The following MCF2L2 variants were observed in gnomAD, a reference collection of about 807,000 sequenced individuals.
The protein encoded by MCF2L2 is probable guanine nucleotide exchange factor MCF2L2.
A neutral mutation model predicts 150.2 loss-of-function variants in MCF2L2; 102 were observed. The observed-to-expected ratio is 0.68, with a 90% CI of 0.58 to 0.80. The LOEUF is 0.80. MCF2L2 is among the 30% of genes least tolerant of loss of function. The probability of loss-of-function intolerance (pLI) is 0.00; values close to 1 mark genes in which losing one functional copy is unlikely to be tolerated. For synonymous variants in MCF2L2, 465 were observed against 491.3 expected, an observed-to-expected ratio of 0.95 and a Z score of 0.71; for missense variants, 1,256 against 1,372.8, an observed-to-expected ratio of 0.91 and a Z score of 1.34.
Position 183,229,003 on chromosome 3 carries a change from G to A in MCF2L2, c.2046-637C>T, listed in dbSNP as rs185779434. On this transcript the variant is annotated intron_variant, in intron 17 of 29. Transcript: ENST00000328913. The stretch of plus-strand genomic sequence containing the variant: ...AAATGGGTTTCCATTTCAGTTTTGC[G>A]TCTGACCAACGGACGAGGAATGGGG... Among the ~76,000 whole-genome samples, 7 of 152,204 alleles carry A rather than the reference G, an allele frequency of 4.6e-5. No homozygotes were observed. In the East Asian group the frequency reaches 1.4e-3, roughly 29 times the overall value.
intron 1 of MCF2L2, among the ~76,000 whole-genome samples, chr3:183,393,968 T>G (rs114615359): frequency 0.015 from 2,300 of 152,320 alleles, 54 homozygotes; most frequent in African/African-American, 0.053. Context: ...CTTCTGAAAT[T>G]TCTGTCACAC....
rs982841366 is a variant in MCF2L2 at position 183,181,325 on chromosome 3, G to A, written c.3017-1166C>T. ...GGCTGTGTGAGTAACATGGGGGCGG[G>A]GGGGCAGCTGGGCAGCACCTCCCTG... is the stretch of plus-strand genomic sequence containing the variant. On this transcript the variant is annotated intron_variant, in intron 27 of 29. Transcript: ENST00000328913. This position sits in a 1 kb window ranked among gnomAD's most constrained non-coding sequence, Gnocchi z 4.3. Among the ~76,000 whole-genome samples the A allele has an allele frequency of 6.6e-6, 1 of 152,132 alleles. No individual in the cohort carries two copies. Among genetic ancestry groups the A allele is most frequent in the Non-Finnish European group, 1.5e-5 (1 of 68,022 alleles).
chr3:183,411,646 T>C (rs904495521), intron 1 of MCF2L2, among the ~76,000 whole-genome samples: 9 of 150,430 alleles, frequency 6.0e-5, no homozygotes, highest in African/African-American at 2.0e-4. Flanking sequence ...GGAACACACA[T>C]GAGCCTTTGG....
chr3:183,300,080 G>A lies in MCF2L2; in HGVS notation c.1230C>T (p.Asp410=), dbSNP rs558392423. 18 of 1,613,522 alleles carry A rather than the reference G, an allele frequency of 1.1e-5. No homozygotes were observed. The highest frequency in any genetic ancestry group is 4.4e-5 in the South Asian group (4 of 90,996). Residue 410 remains aspartate (D), a synonymous_variant, in exon 11 of 30, where the codon GAC becomes GAT. Transcript: ENST00000328913. ...TTTTCTTGTTTCCATTGATGAAATC[G>A]TCACAGAGGTGCCTGAGCTCCACAC... is the stretch of plus-strand genomic sequence containing the variant. ...PRCVELRHLC[D]DFINGNKKKW...
intron 1 of MCF2L2, among the ~76,000 whole-genome samples, chr3:183,397,945 T>A (rs185222091): frequency 5.3e-5 from 8 of 152,334 alleles, no homozygotes; most frequent in Non-Finnish European, 1.0e-4. Flanking sequence ...GATACATCTA[T>A]GCTACTGACA....
At chr3:183,285,873 A>G (rs1422765086) in intron 14 of MCF2L2, among the ~76,000 whole-genome samples, 1 of 152,212 alleles carries the variant, frequency 6.6e-6, no homozygotes, top group Admixed American at 6.5e-5. Flanking sequence ...ACTTATTTCC[A>G]GCTTACAAAA....
Position 183,283,036 on chromosome 3 carries a change from C to T in MCF2L2, c.1777-6079G>A, listed in dbSNP as rs1727590367. 1.3e-5 allele frequency among the ~76,000 whole-genome samples: 2 copies of T among 152,188 alleles called. No individual in the cohort carries two copies. Among genetic ancestry groups the T allele is most frequent in the Non-Finnish European group, 2.9e-5 (2 of 68,044 alleles). ...CTTTATCGGGCCAACAAATTCATCC[C>T]ATGAGGAATCCAAGATGGAAACGTC... On this transcript the variant is annotated intron_variant, in intron 14 of 29. Transcript: ENST00000328913. The surrounding 1 kb of genome is among the most constrained non-coding windows in gnomAD (Gnocchi z 4.2).
At chr3:183,315,853 C>T (rs1290211613) in intron 7 of MCF2L2, among the ~76,000 whole-genome samples, 3 of 152,182 alleles carry the variant, frequency 2.0e-5, no homozygotes, top group African/African-American at 7.2e-5. Flanking sequence ...GTTATGTGTC[C>T]TTATCTAAAA....
chr3:183,342,620 A>ATGTGTG (rs57683720), intron 3 of MCF2L2, among the ~76,000 whole-genome samples: 10 of 142,988 alleles, frequency 7.0e-5, no homozygotes, highest in Non-Finnish European at 1.1e-4. Flanking sequence ...TGAAGATTAA[A>ATGTGTG]TGTGTGTGTG....
intron 8 of MCF2L2, 43 bp downstream of exon 8, chr3:183,311,605 C>T (rs1729381920): frequency 2.5e-6 from 4 of 1,610,274 alleles, no homozygotes; most frequent in Non-Finnish European, 3.4e-6. Flanking sequence ...TCTAGGTCTA[C>T]ATATTCTCTC....
At chr3:183,273,031 TC>T in intron 15 of MCF2L2, 1 of 1,488,286 alleles carries the variant, frequency 6.7e-7, no homozygotes, top group South Asian at 1.4e-5. Flanking sequence ...GATGATTCCT[TC>T]ATCACACTTA....
intron 1 of MCF2L2, among the ~76,000 whole-genome samples, chr3:183,416,044 G>A (rs1331912576): frequency 1.3e-5 from 2 of 151,610 alleles, no homozygotes; most frequent in South Asian, 4.2e-4. Flanking sequence ...TTTATTAGTG[G>A]TTATTCTATA....
chr3:183,287,246 A>G lies in MCF2L2; in HGVS notation c.1776+1874T>C, dbSNP rs567556197. Among the ~76,000 whole-genome samples the G allele has an allele frequency of 5.1e-4, 78 of 152,352 alleles. 1 individual carries two copies. The highest frequency in any genetic ancestry group is 1.9e-3 in the African/African-American group (77 of 41,578). ...ACTCTAATTTGGATTCCTTTATATGAGAACTTCCATATGCTTAAAACTCCC... is the reference window on the plus strand; with the variant it reads ...ACTCTAATTTGGATTCCTTTATATGGGAACTTCCATATGCTTAAAACTCCC... On this transcript the variant is annotated intron_variant, in intron 14 of 29. Coordinates refer to ENST00000328913, the MANE Select transcript of MCF2L2 (RefSeq NM_015078.4).
intron 7 of MCF2L2, among the ~76,000 whole-genome samples, chr3:183,316,266 T>C (rs777682033): frequency 2.0e-5 from 3 of 152,180 alleles, no homozygotes; most frequent in Admixed American, 6.5e-5. Context: ...AAAATTTTCA[T>C]GATGTCATCA....
chr3:183,272,740 T>C (rs1487432944), intron 15 of MCF2L2: 3 of 1,047,134 alleles, frequency 2.9e-6, no homozygotes, highest in Non-Finnish European at 3.5e-6. Context: ...TAATTAATTT[T>C]TATTAGTTGA....
At chr3:183,369,612 C>T (rs561044585) in intron 3 of MCF2L2, among the ~76,000 whole-genome samples, 55 of 152,272 alleles carry the variant, frequency 3.6e-4, no homozygotes, top group African/African-American at 1.3e-3. Flanking sequence ...ACATAAATTC[C>T]TGTTCCCTCT....
rs1204727016 is a variant in MCF2L2, at chr3:183,269,820, A to G, written c.1862+7052T>C. On this transcript the variant is annotated intron_variant, in intron 15 of 29. Transcript: ENST00000328913. Reference sequence around the variant, plus strand: ...GGATATGAGAATGTTGGTTAGTGGCAGAAGAGTCAAAAAATGGCAGTTAAT... The same window carrying G: ...GGATATGAGAATGTTGGTTAGTGGCGGAAGAGTCAAAAAATGGCAGTTAAT... 1.9e-6 allele frequency: 3 copies of G among 1,609,138 alleles called. No individual in the cohort carries two copies. In the East Asian group the frequency reaches 6.7e-5, roughly 36 times the overall value.
rs1727626020 is a variant in MCF2L2 at position 183,283,584 on chromosome 3, C to T, written c.1776+5536G>A. ...TCACCCAGGCTGGAGAGCAGTGGCA[C>T]CATCTTGGCTCACTGCACCCTCTGC... is the stretch of plus-strand genomic sequence containing the variant. On this transcript the variant is annotated intron_variant, in intron 14 of 29. Coordinates refer to ENST00000328913, the MANE Select transcript of MCF2L2 (RefSeq NM_015078.4). This position sits in a 1 kb window ranked among gnomAD's most constrained non-coding sequence, Gnocchi z 4.2. Among the ~76,000 whole-genome samples, 2 of 151,904 alleles carry T rather than the reference C, an allele frequency of 1.3e-5. No homozygotes were observed. The highest frequency in any genetic ancestry group is 6.6e-5 in the Admixed American group (1 of 15,244).
At chr3:183,316,308 TTTTG>T (rs1560018217) in intron 7 of MCF2L2, among the ~76,000 whole-genome samples, 1 of 146,242 alleles carries the variant, frequency 6.8e-6, no homozygotes, top group African/African-American at 2.6e-5. Context: ...GATTTTTTTT[TTTTG>T]TTTGTTTTAT....
Sources: gnomAD v4.1 joint callset for allele counts (sites outside exome capture counted in the v4.1 genomes callset) on GRCh38, gnomAD v4.1.1 for gene constraint, Gnocchi (gnomAD v3.1) non-coding constraint, MANE v1.5 for transcripts, NCBI Gene and HGNC (gene_info 2026-07-23, HGNC 2026-07-21) for gene names.